RBFOX1: variants seen among roughly 807,000 people sequenced by gnomAD.
RBFOX1 encodes the protein RNA binding fox-1 homolog 1, also known as RNA binding protein fox-1 homolog 1.
RBFOX1 carries 8 observed loss-of-function variants against 57.7 expected under a neutral mutation model. The ratio of observed to expected loss-of-function variants is 0.14; its 90% confidence interval spans 0.08 to 0.25. RBFOX1 has a LOEUF of 0.25. RBFOX1 is among the 10% of genes least tolerant of loss of function. RBFOX1 has a pLI of 1.00. For missense variants in RBFOX1, 611 were observed against 548.5 expected (o/e 1.11, Z -1.14); for synonymous variants, 326 against 222.4 (o/e 1.47, Z -4.15).
intron 2 of RBFOX1, among the ~76,000 whole-genome samples, chr16:6,597,312 C>G (rs1411907006): frequency 4.6e-5 from 7 of 152,134 alleles, no homozygotes; most frequent in Non-Finnish European, 5.9e-5. Flanking sequence ...TCTGAGTCCC[C>G]TTTTCCTTTC....
chr16:7,634,001 G>A (rs933010716), intron 11 of RBFOX1, among the ~76,000 whole-genome samples: 6 of 151,832 alleles, frequency 4.0e-5, no homozygotes, highest in Admixed American at 6.6e-5. Flanking sequence ...AGGCCTGTGC[G>A]CACACACACA....
At chr16:6,980,822 C>G (rs1363604040) in intron 3 of RBFOX1, among the ~76,000 whole-genome samples, 1 of 152,070 alleles carries the variant, frequency 6.6e-6, no homozygotes, top group Non-Finnish European at 1.5e-5. Flanking sequence ...GCAGGCGGAT[C>G]ACTTCAGGTC....
At chr16:7,154,567 A>T (rs1391528235) in intron 4 of RBFOX1, among the ~76,000 whole-genome samples, 1 of 152,172 alleles carries the variant, frequency 6.6e-6, no homozygotes, top group African/African-American at 2.4e-5. Flanking sequence ...TCTTGTTAAA[A>T]CTATTTATAT....
At chr16:5,842,522 A>C (rs1439574566) in intron 3 of RBFOX1, among the ~76,000 whole-genome samples, 1 of 152,138 alleles carries the variant, frequency 6.6e-6, no homozygotes, top group African/African-American at 2.4e-5. Flanking sequence ...TGCATGCTGC[A>C]GGTGTTCATT....
intron 1 of RBFOX1, among the ~76,000 whole-genome samples, chr16:5,346,553 C>T (rs531925672): frequency 1.3e-5 from 2 of 152,324 alleles, no homozygotes; most frequent in Admixed American, 6.5e-5. Context: ...TATCACCCTA[C>T]ATCTGGGGCT....
At chr16:6,801,101 G>T (rs1328807015) in intron 3 of RBFOX1, among the ~76,000 whole-genome samples, 1 of 151,188 alleles carries the variant, frequency 6.6e-6, no homozygotes, top group South Asian at 2.1e-4. Flanking sequence ...CCATTCAGTA[G>T]ATCTGGGGAT....
At chr16:6,286,152 T>C (rs72776485) in intron 1 of RBFOX1, among the ~76,000 whole-genome samples, 22,897 of 152,206 alleles carry the variant, frequency 0.15, 2,191 homozygotes, top group Non-Finnish European at 0.2. Context: ...CAATAAATTA[T>C]TGGAGTCTCA....
intron 3 of RBFOX1, among the ~76,000 whole-genome samples, chr16:6,772,751 T>TTG (rs1191137451): frequency 6.9e-6 from 1 of 145,180 alleles, no homozygotes; most frequent in East Asian, 2.1e-4. Flanking sequence ...TGGAGTGCAT[T>TTG]TGTGTGTGTG....
At chr16:5,617,501 T>C (rs1281588918) in intron 3 of RBFOX1, among the ~76,000 whole-genome samples, 1 of 152,204 alleles carries the variant, frequency 6.6e-6, no homozygotes, top group Non-Finnish European at 1.5e-5. Flanking sequence ...TTCCCCTCCT[T>C]TAAGGGTGTC....
chr16:6,097,335 GA>G lies in RBFOX1; in HGVS notation c.-127+77344del. On this transcript the variant is annotated intron_variant, in intron 1 of 15. Transcript: ENST00000550418. This position sits in a 1 kb window ranked among gnomAD's most constrained non-coding sequence, Gnocchi z 5.0. Reference sequence around the variant, plus strand: ...AACCCCCCTTTCTTCCTACCCCTGTGATTTGGGTGGATATTAAAATTTTGCA... The same window carrying G: ...AACCCCCCTTTCTTCCTACCCCTGTGTTTGGGTGGATATTAAAATTTTGCA... 6.6e-6 allele frequency among the ~76,000 whole-genome samples: 1 copy of G among 152,188 alleles called. No individual in the cohort carries two copies. Among genetic ancestry groups the G allele is most frequent in the Non-Finnish European group, 1.5e-5 (1 of 68,022 alleles).
chr16:5,724,430 C>G (rs958054907), intron 3 of RBFOX1, among the ~76,000 whole-genome samples: 8 of 152,192 alleles, frequency 5.3e-5, no homozygotes, highest in Admixed American at 2.6e-4. Flanking sequence ...CCTTGAGTCT[C>G]TATGTCTATG....
At chr16:6,460,351 G>C (rs148426159) in intron 2 of RBFOX1, among the ~76,000 whole-genome samples, 1 of 151,794 alleles carries the variant, frequency 6.6e-6, no homozygotes, top group Non-Finnish European at 1.5e-5. Flanking sequence ...CAATCTATCC[G>C]TCTGACAAAG....
chr16:6,983,563 G>A (rs1315873504), intron 3 of RBFOX1: 5 of 151,988 alleles, frequency 3.3e-5, no homozygotes, highest in Non-Finnish European at 5.9e-5. Context: ...GTGTGAACAT[G>A]TTTCTAGTAA....
At chr16:7,653,513 C>G (rs1248290449) in intron 11 of RBFOX1, among the ~76,000 whole-genome samples, 2 of 152,148 alleles carry the variant, frequency 1.3e-5, no homozygotes, top group Non-Finnish European at 2.9e-5. Flanking sequence ...CTCAAATAAA[C>G]TCATTAATTA....
At chr16:6,195,192 A>G (rs532115525) in intron 1 of RBFOX1, among the ~76,000 whole-genome samples, 1 of 152,170 alleles carries the variant, frequency 6.6e-6, no homozygotes, top group South Asian at 2.1e-4. Context: ...ATGCCTTCTT[A>G]CCTACCGCCT....
chr16:5,875,243 C>G (rs937787173), intron 4 of RBFOX1, among the ~76,000 whole-genome samples: 1 of 152,034 alleles, frequency 6.6e-6, no homozygotes, highest in Non-Finnish European at 1.5e-5. Context: ...ATGTTACAGA[C>G]AAAAAAACTG....
chr16:5,871,383 A>G (rs536273105), intron 4 of RBFOX1, among the ~76,000 whole-genome samples: 83 of 152,242 alleles, frequency 5.5e-4, no homozygotes, highest in Non-Finnish European at 1.1e-3. Flanking sequence ...CACATGATGA[A>G]TGGAATGCAA....
At chr16:7,577,068 G>A (rs1488224193) in intron 5 of RBFOX1, among the ~76,000 whole-genome samples, 4 of 152,224 alleles carry the variant, frequency 2.6e-5, no homozygotes, top group South Asian at 2.1e-4. Context: ...CAGTGTTACA[G>A]TGTTGCTCTT....
chr16:6,436,710 A>G (rs1325271698), intron 2 of RBFOX1, among the ~76,000 whole-genome samples: 1 of 152,130 alleles, frequency 6.6e-6, no homozygotes, highest in Non-Finnish European at 1.5e-5. Flanking sequence ...AAGGAAAGCC[A>G]TGATAATTTG....
Sources: gnomAD v4.1 joint callset for allele counts (sites outside exome capture counted in the v4.1 genomes callset) on GRCh38, gnomAD v4.1.1 for gene constraint, Gnocchi (gnomAD v3.1) non-coding constraint, MANE v1.5 for transcripts, NCBI Gene and HGNC (gene_info 2026-07-23, HGNC 2026-07-21) for gene names.